SORCS1: variants seen among roughly 807,000 people sequenced by gnomAD.
The protein encoded by SORCS1 is sortilin related VPS10 domain containing receptor 1, also known as VPS10 domain-containing receptor SorCS1.
In SORCS1, 60 loss-of-function variants were observed where a neutral mutation model predicts 146.1. That is an observed-to-expected ratio of 0.41 (90% confidence interval 0.33 to 0.51). SORCS1 has a LOEUF of 0.51. Ranked by LOEUF, SORCS1 falls within the 20% of genes least tolerant of loss-of-function variation. The probability of loss-of-function intolerance (pLI) is 0.21; values close to 1 mark genes in which losing one functional copy is unlikely to be tolerated. For synonymous variants in SORCS1, 637 were observed against 584.0 expected (o/e 1.09, Z -1.31); for missense variants, 1,352 against 1,487.6 (o/e 0.91, Z 1.50).
chr10:106,929,191 A>C (rs1198641725), intron 2 of SORCS1, among the ~76,000 whole-genome samples: 1 of 152,038 alleles, frequency 6.6e-6, no homozygotes, highest in Non-Finnish European at 1.5e-5. Context: ...GAAGGGGATT[A>C]TACTTTTAGA....
chr10:106,980,092 A>G (rs1956188759), intron 1 of SORCS1, among the ~76,000 whole-genome samples: 1 of 152,208 alleles, frequency 6.6e-6, no homozygotes, highest in African/African-American at 2.4e-5. Flanking sequence ...CAAAACCCTG[A>G]GCATATTCCA....
chr10:106,956,022 C>T lies in SORCS1; in HGVS notation c.626+491G>A, dbSNP rs543762468. 1.3e-4 allele frequency among the ~76,000 whole-genome samples: 20 copies of T among 151,740 alleles called. No individual in the cohort carries two copies. The South Asian group carries it at 2.7e-3, about 21-fold the overall frequency. ...GCGCATGCCTGTAATCCCAGCTACT[C>T]GGGAGGCTGAGGCAGGAGAATGGCT... On this transcript the variant is annotated intron_variant, in intron 2 of 25. Transcript: ENST00000263054.
At chr10:107,041,364 T>C (rs1959144886) in intron 1 of SORCS1, among the ~76,000 whole-genome samples, 1 of 150,888 alleles carries the variant, frequency 6.6e-6, no homozygotes, top group African/African-American at 2.4e-5. Flanking sequence ...TAGATAAATG[T>C]TGAGTTGCAA....
At chr10:107,000,605 CA>C (rs1217124316) in intron 1 of SORCS1, among the ~76,000 whole-genome samples, 1,173 of 75,510 alleles carry the variant, frequency 0.016, 17 homozygotes, top group African/African-American at 0.04. Context: ...GACTCCATCT[CA>C]AAAAAAAAAA....
intron 1 of SORCS1, among the ~76,000 whole-genome samples, chr10:107,140,648 T>C (rs1050281427): frequency 2.6e-5 from 4 of 152,204 alleles, no homozygotes; most frequent in African/African-American, 4.8e-5. Context: ...ATTATGTATA[T>C]ATATTCTTGT....
chr10:107,008,583 A>C (rs1957551509), intron 1 of SORCS1, among the ~76,000 whole-genome samples: 1 of 152,254 alleles, frequency 6.6e-6, no homozygotes, highest in Non-Finnish European at 1.5e-5. Context: ...CGGTACAATT[A>C]GAAACAATAT....
intron 19 of SORCS1, among the ~76,000 whole-genome samples, chr10:106,627,629 A>G (rs948407007): frequency 2.0e-5 from 3 of 152,202 alleles, no homozygotes; most frequent in Admixed American, 6.5e-5. Context: ...CTGAAAGTCT[A>G]TATAGGACGA....
intron 1 of SORCS1, among the ~76,000 whole-genome samples, chr10:106,972,900 C>T (rs1200089906): frequency 1.3e-5 from 2 of 152,158 alleles, no homozygotes; most frequent in African/African-American, 4.8e-5. Context: ...TGAAAACTGG[C>T]TGGGGCTTGG....
intron 1 of SORCS1, among the ~76,000 whole-genome samples, chr10:107,155,953 C>G (rs780668898): frequency 6.6e-6 from 1 of 152,186 alleles, no homozygotes; most frequent in Non-Finnish European, 1.5e-5. Flanking sequence ...ACATCCCACA[C>G]ATCTTCCCAG....
At chr10:107,133,546 C>A (rs1967029425) in intron 1 of SORCS1, among the ~76,000 whole-genome samples, 1 of 152,118 alleles carries the variant, frequency 6.6e-6, no homozygotes, top group African/African-American at 2.4e-5. Context: ...TGAAGCAGTA[C>A]ATTTGGGGGT....
chr10:106,752,004 G>A (rs1858287467), intron 5 of SORCS1, among the ~76,000 whole-genome samples: 2 of 152,156 alleles, frequency 1.3e-5, no homozygotes, highest in Non-Finnish European at 2.9e-5. Flanking sequence ...TTACTTAATG[G>A]TAATAATGAT....
chr10:106,977,141 T>A (rs55809510), intron 1 of SORCS1, among the ~76,000 whole-genome samples: 1 of 152,050 alleles, frequency 6.6e-6, no homozygotes, highest in South Asian at 2.1e-4. Context: ...GTGAGCGAAT[T>A]TACACTCCCA....
At chr10:106,886,303 TTC>T (rs1054587926) in intron 2 of SORCS1, among the ~76,000 whole-genome samples, 8 of 152,082 alleles carry the variant, frequency 5.3e-5, no homozygotes, top group Non-Finnish European at 1.2e-4. Context: ...AAAACCCTCT[TTC>T]TCTGTATTGA....
intron 1 of SORCS1, among the ~76,000 whole-genome samples, chr10:107,158,016 T>C (rs1969423397): frequency 6.6e-6 from 1 of 152,218 alleles, no homozygotes; most frequent in African/African-American, 2.4e-5. Flanking sequence ...AGTGGCTGAA[T>C]ATAAGCTGGC....
intron 2 of SORCS1, among the ~76,000 whole-genome samples, chr10:106,947,204 G>A (rs1232498168): frequency 2.6e-5 from 4 of 152,186 alleles, no homozygotes; most frequent in Non-Finnish European, 4.4e-5. Flanking sequence ...TTGCTTGCAC[G>A]TGTATGATTT....
intron 14 of SORCS1, 67 bp from the exon 15 acceptor site, chr10:106,673,052 G>A (rs1589630357): frequency 7.7e-7 from 1 of 1,291,406 alleles, no homozygotes; most frequent in Non-Finnish European, 1.1e-6. Context: ...ACAACAGAGA[G>A]CATTTGTGGG....
At chr10:106,686,761 C>A (rs1207660804) in intron 10 of SORCS1, among the ~76,000 whole-genome samples, 1 of 152,158 alleles carries the variant, frequency 6.6e-6, no homozygotes, top group Admixed American at 6.5e-5. Flanking sequence ...GTGATATCCT[C>A]TGCAACTAAT....
Position 106,705,763 on chromosome 10 carries a change from A to AGGT in SORCS1, c.1233+779_1233+781dup. Among the ~76,000 whole-genome samples the AGGT allele has an allele frequency of 2.0e-5, 3 of 152,306 alleles. 1 individual carries two copies. The highest frequency in any genetic ancestry group is 4.4e-5 in the Non-Finnish European group (3 of 68,014). ...CTCCCGAGTCAGTTTGACCTCCACT[A>AGGT]GGTGGCGCTCCATATTAACGCAGTT... is the stretch of plus-strand genomic sequence containing the variant. On this transcript the variant is annotated intron_variant, in intron 8 of 25. Transcript: ENST00000263054.
rs1271992326 is a variant in SORCS1 at position 106,679,269 on chromosome 10, T to C, written c.1727A>G (p.Asn576Ser). The change falls in exon 12 of 26, where the codon AAC (asparagine) becomes AGC (serine). Residue 576 changes from asparagine (N) to serine (S), a missense_variant. Asn to Ser is a conservative substitution (Grantham distance 46). Coordinates refer to ENST00000263054, the MANE Select transcript of SORCS1 (RefSeq NM_052918.5). ...GTATTTTCTTACCTGTCTCCAGGTG[T>C]TCCCTGCATCTGAAGAGACAAACAT... is the stretch of plus-strand genomic sequence containing the variant. ...ISMFVSSDAGNTWRQIFEEEH... is the reference protein window; with the variant it reads ...ISMFVSSDAGSTWRQIFEEEH... The C allele has an allele frequency of 6.2e-7, 1 of 1,612,824 alleles. No homozygotes were observed. Among genetic ancestry groups the C allele is most frequent in the African/African-American group, 1.3e-5 (1 of 74,898 alleles).
Sources: gnomAD v4.1 joint callset for allele counts (sites outside exome capture counted in the v4.1 genomes callset) on GRCh38, gnomAD v4.1.1 for gene constraint, MANE v1.5 for transcripts, NCBI Gene and HGNC (gene_info 2026-07-23, HGNC 2026-07-21) for gene names.